SCAPER: variants seen among roughly 807,000 people sequenced by gnomAD.
The protein encoded by SCAPER is S-phase cyclin A associated protein in the ER.
In SCAPER, 98 loss-of-function variants were observed where a neutral mutation model predicts 182.2. That is an observed-to-expected ratio of 0.54 (90% CI 0.46 to 0.64). The LOEUF (loss-of-function observed/expected upper bound fraction) is 0.64. Among genes scored for constraint, SCAPER ranks in the 30% least tolerant of loss-of-function variants. The probability of loss-of-function intolerance (pLI) is 0.00; values close to 1 mark genes in which losing one functional copy is unlikely to be tolerated. For missense variants in SCAPER, 1,432 were observed against 1,690.0 expected (o/e 0.85, Z 2.68); for synonymous variants, 605 against 564.6 (o/e 1.07, Z -1.01).
chr15:76,853,073 C>A (rs2070928176), intron 4 of SCAPER, among the ~76,000 whole-genome samples: 1 of 152,038 alleles, frequency 6.6e-6, no homozygotes, highest in African/African-American at 2.4e-5. Context: ...AACTGGAAAA[C>A]CTAGAAGAGA....
At chr15:76,783,210 G>C (rs2064297783) in intron 8 of SCAPER, among the ~76,000 whole-genome samples, 1 of 152,100 alleles carries the variant, frequency 6.6e-6, no homozygotes. Context: ...TATCACCACA[G>C]ATCCCAAAGA....
At chr15:76,870,386 T>C (rs1411846712) in intron 2 of SCAPER, among the ~76,000 whole-genome samples, 1 of 150,994 alleles carries the variant, frequency 6.6e-6, no homozygotes, top group Non-Finnish European at 1.5e-5. Context: ...TAAAATAAAA[T>C]AAATTACTGG....
intron 25 of SCAPER, among the ~76,000 whole-genome samples, chr15:76,437,290 T>C (rs1426059399): frequency 6.6e-6 from 1 of 152,200 alleles, no homozygotes; most frequent in Non-Finnish European, 1.5e-5. Flanking sequence ...GCTAGGATTC[T>C]GTGGCACAAA....
chr15:76,752,033 A>C (rs891195799), intron 15 of SCAPER, among the ~76,000 whole-genome samples: 2 of 151,184 alleles, frequency 1.3e-5, no homozygotes, highest in African/African-American at 4.9e-5. Context: ...TTAAAACTCC[A>C]CAATAAAAAA....
intron 25 of SCAPER, among the ~76,000 whole-genome samples, chr15:76,464,416 C>A (rs1048887919): frequency 2.0e-5 from 3 of 152,008 alleles, no homozygotes; most frequent in African/African-American, 7.3e-5. Flanking sequence ...TGGTTCAGTG[C>A]TCCCTGTGTA....
chr15:76,857,808 C>A lies in SCAPER; in HGVS notation c.195+1G>T, dbSNP rs1197672797. On this transcript the variant is annotated splice_donor_variant, in intron 4 of 31. Transcript: ENST00000563290. LOFTEE classifies it high-confidence loss of function. ...AAGTAAAAAAGTTATAGATGCTGTA[C>A]CTGTTTAGTAGTTTTATGAGTGCCT... is the stretch of plus-strand genomic sequence containing the variant. The A allele has an allele frequency of 2.6e-6, 4 of 1,523,854 alleles. No individual in the cohort carries two copies. The allele number at this position is 1,523,854 out of a possible 1,614,324, so 94.4% of individuals were successfully genotyped here. A position where few individuals can be genotyped will look rare whatever the true frequency, so the allele number is the denominator to read the frequency against.
chr15:76,903,571 C>T (rs1023678686), intron 1 of SCAPER, among the ~76,000 whole-genome samples: 8 of 152,134 alleles, frequency 5.3e-5, no homozygotes, highest in Non-Finnish European at 1.5e-5. Context: ...AGAAAGCAGG[C>T]TATCACCAAA....
intron 23 of SCAPER, among the ~76,000 whole-genome samples, chr15:76,536,446 G>A (rs1043808140): frequency 1.3e-5 from 2 of 152,328 alleles, no homozygotes; most frequent in East Asian, 3.9e-4. Context: ...GTGTCTCACT[G>A]TTCTTATTTT....
At chr15:76,441,036 C>T (rs574114718) in intron 25 of SCAPER, among the ~76,000 whole-genome samples, 1 of 150,712 alleles carries the variant, frequency 6.6e-6, no homozygotes. Context: ...ATTCTCCCAC[C>T]TCAGCCTCCT....
chr15:76,770,139 G>A (rs1388851407), intron 10 of SCAPER, among the ~76,000 whole-genome samples: 1 of 149,432 alleles, frequency 6.7e-6, no homozygotes, highest in East Asian at 2.0e-4. Context: ...TGACTCATAG[G>A]TGGGAGTTGA....
chr15:76,869,256 T>C (rs1182610141), intron 2 of SCAPER, among the ~76,000 whole-genome samples: 1 of 151,918 alleles, frequency 6.6e-6, no homozygotes, highest in East Asian at 1.9e-4. Flanking sequence ...AAAACAAAAA[T>C]AGACAAATGA....
intron 23 of SCAPER, among the ~76,000 whole-genome samples, chr15:76,523,915 G>GT (rs1161121414): frequency 6.6e-6 from 1 of 152,008 alleles, no homozygotes; most frequent in Non-Finnish European, 1.5e-5. Context: ...TCCTACCTTA[G>GT]TTTTTTCATA....
intron 15 of SCAPER, among the ~76,000 whole-genome samples, chr15:76,753,339 G>T (rs541396919): frequency 1.3e-5 from 2 of 151,806 alleles, no homozygotes; most frequent in African/African-American, 4.8e-5. Context: ...GAAGTTCAAA[G>T]TAACTGTTAT....
intron 23 of SCAPER, among the ~76,000 whole-genome samples, chr15:76,559,413 G>A (rs1000312634): frequency 6.6e-6 from 1 of 151,822 alleles, no homozygotes; most frequent in Non-Finnish European, 1.5e-5. Flanking sequence ...TCTCCTTCCT[G>A]TCGCCTTGTA....
chr15:76,896,879 G>C (rs867483732), intron 1 of SCAPER, among the ~76,000 whole-genome samples: 13 of 152,186 alleles, frequency 8.5e-5, no homozygotes, highest in African/African-American at 2.7e-4. Context: ...CCAGGAGATA[G>C]AGGCTACAGT....
intron 2 of SCAPER, among the ~76,000 whole-genome samples, chr15:76,874,414 T>A (rs1373882768): frequency 6.6e-6 from 1 of 150,672 alleles, no homozygotes; most frequent in Non-Finnish European, 1.5e-5. Context: ...CCATATTAAA[T>A]CCCAAGAAAG....
intron 15 of SCAPER, among the ~76,000 whole-genome samples, chr15:76,747,516 T>C (rs903100520): frequency 6.6e-6 from 1 of 151,806 alleles, no homozygotes; most frequent in Non-Finnish European, 1.5e-5. Context: ...TATATATATA[T>C]ATGTAATCAA....
At chr15:76,648,098 T>C (rs187143305) in intron 21 of SCAPER, among the ~76,000 whole-genome samples, 9 of 149,238 alleles carry the variant, frequency 6.0e-5, no homozygotes, top group East Asian at 4.0e-4. Context: ...AGGCAGAAAA[T>C]ATAAGCCATA....
At chr15:76,697,763 T>C (rs2930684) in intron 20 of SCAPER, among the ~76,000 whole-genome samples, 147,609 of 152,088 alleles carry the variant, frequency 0.97, 71,766 homozygotes, top group South Asian at 1. Flanking sequence ...CCTCAGCCTC[T>C]GAAGTAGCTG....
Sources: allele counts gnomAD v4.1 joint callset (sites outside exome capture counted in the v4.1 genomes callset), GRCh38; gene constraint gnomAD v4.1.1; transcripts MANE v1.5; gene names NCBI Gene and HGNC (gene_info 2026-07-23, HGNC 2026-07-21).